Variants in CPNE8 observed in about 807,000 individuals in gnomAD.
CPNE8 encodes copine-8.
In CPNE8, 45 loss-of-function variants were observed where a neutral mutation model predicts 81.5. The observed-to-expected ratio is 0.55, with a 90% CI of 0.44 to 0.71. The LOEUF (loss-of-function observed/expected upper bound fraction) is 0.71. Among genes scored for constraint, CPNE8 ranks in the 30% least tolerant of loss-of-function variants. CPNE8 has a pLI of 0.00. For missense variants in CPNE8, 594 were observed against 672.1 expected, an observed-to-expected ratio of 0.88 and a Z score of 1.28; for synonymous variants, 252 against 226.3, an observed-to-expected ratio of 1.11 and a Z score of -1.02.
At chr12:38,671,290 C>T (rs12581826) in intron 18 of CPNE8, among the ~76,000 whole-genome samples, 6,136 of 152,156 alleles carry the variant, frequency 0.04, 361 homozygotes, top group East Asian at 0.32. Context: ...CACACACACA[C>T]GCATACACAC....
chr12:38,700,264 A>T (rs1365824166), intron 14 of CPNE8, among the ~76,000 whole-genome samples: 2 of 113,192 alleles, frequency 1.8e-5, no homozygotes, highest in African/African-American at 3.3e-5. Flanking sequence ...TTTGAGATGG[A>T]GTCTTGCTCT....
chr12:38,801,767 C>G (rs963147731), intron 6 of CPNE8, among the ~76,000 whole-genome samples: 1 of 95,220 alleles, frequency 1.1e-5, no homozygotes, highest in African/African-American at 4.1e-5. Context: ...AAACCCATCT[C>G]ACGTGCAGAG....
intron 6 of CPNE8, among the ~76,000 whole-genome samples, chr12:38,789,202 T>C (rs557624901): frequency 6.6e-6 from 1 of 152,088 alleles, no homozygotes; most frequent in South Asian, 2.1e-4. Context: ...CTTTGAATTA[T>C]ACTACAGACC....
intron 10 of CPNE8, among the ~76,000 whole-genome samples, chr12:38,744,751 C>A (rs1039386620): frequency 1.5e-4 from 4 of 26,830 alleles, no homozygotes; most frequent in African/African-American, 3.5e-4. Flanking sequence ...GTTATGCATG[C>A]CTATCAGGAT....
chr12:38,797,636 G>A (rs1344696610), intron 6 of CPNE8, among the ~76,000 whole-genome samples: 1 of 152,138 alleles, frequency 6.6e-6, no homozygotes, highest in Non-Finnish European at 1.5e-5. Flanking sequence ...CTAAAAAGCA[G>A]AGTGCCTCTC....
chr12:38,767,128 T>G (rs1420493110), intron 8 of CPNE8, among the ~76,000 whole-genome samples: 1 of 152,104 alleles, frequency 6.6e-6, no homozygotes, highest in Non-Finnish European at 1.5e-5. Flanking sequence ...CATATTAAAT[T>G]ATGGTCTATA....
intron 17 of CPNE8, among the ~76,000 whole-genome samples, chr12:38,677,028 A>G (rs1252977064): frequency 6.6e-6 from 1 of 152,138 alleles, no homozygotes; most frequent in Admixed American, 6.6e-5. Context: ...AATTATAATG[A>G]GCAGGATGGT....
At chr12:38,813,590 C>T (rs367854690) in intron 6 of CPNE8, among the ~76,000 whole-genome samples, 15 of 152,138 alleles carry the variant, frequency 9.9e-5, no homozygotes, top group East Asian at 9.6e-4. Flanking sequence ...TGTTATAAGA[C>T]ATGAACATTG....
chr12:38,703,468 G>T (rs1940003548), intron 13 of CPNE8, among the ~76,000 whole-genome samples: 1 of 152,060 alleles, frequency 6.6e-6, no homozygotes, highest in African/African-American at 2.4e-5. Flanking sequence ...GAAATAATAA[G>T]GGCCGTCTAT....
intron 13 of CPNE8, among the ~76,000 whole-genome samples, chr12:38,716,647 G>A (rs1940400187): frequency 6.6e-6 from 1 of 152,016 alleles, no homozygotes; most frequent in Non-Finnish European, 1.5e-5. Flanking sequence ...AACTCAAGAT[G>A]GATCAAAGAC....
chr12:38,819,517 C>T (rs984385272), intron 6 of CPNE8, among the ~76,000 whole-genome samples: 1 of 152,016 alleles, frequency 6.6e-6, no homozygotes, highest in African/African-American at 2.4e-5. Flanking sequence ...TCTGTAATTG[C>T]AGCACTTTGG....
At chr12:38,676,243 G>A in intron 17 of CPNE8, 1 of 906,628 alleles carries the variant, frequency 1.1e-6, no homozygotes, top group South Asian at 5.1e-5. Context: ...TGTTAATACA[G>A]AATAATATAC....
intron 6 of CPNE8, among the ~76,000 whole-genome samples, chr12:38,799,582 C>A (rs552672848): frequency 1.3e-5 from 2 of 152,206 alleles, no homozygotes; most frequent in South Asian, 2.1e-4. Context: ...TAAATGCCCA[C>A]AAGAGAAAGC....
At chr12:38,787,823 C>A (rs1371280655) in intron 6 of CPNE8, among the ~76,000 whole-genome samples, 1 of 151,338 alleles carries the variant, frequency 6.6e-6, no homozygotes, top group African/African-American at 2.4e-5. Context: ...CACCTATATG[C>A]CAATAAGTTA....
chr12:38,745,499 C>T (rs1941207390), intron 10 of CPNE8, among the ~76,000 whole-genome samples: 1 of 152,158 alleles, frequency 6.6e-6, no homozygotes, highest in African/African-American at 2.4e-5. Context: ...GTGACCCATA[C>T]CTAATAGATG....
intron 14 of CPNE8, among the ~76,000 whole-genome samples, chr12:38,701,432 C>G (rs890023724): frequency 6.6e-6 from 1 of 152,062 alleles, no homozygotes; most frequent in Non-Finnish European, 1.5e-5. Context: ...CATCAGTGAA[C>G]ACAATCTAGT....
chr12:38,863,189 C>T (rs557913345), intron 3 of CPNE8, among the ~76,000 whole-genome samples: 4 of 152,220 alleles, frequency 2.6e-5, no homozygotes, highest in Admixed American at 1.3e-4. Flanking sequence ...GGCATACGTG[C>T]GTATTACAAG....
chr12:38,883,783 A>T (rs572964801), intron 1 of CPNE8, among the ~76,000 whole-genome samples: 1 of 152,220 alleles, frequency 6.6e-6, no homozygotes, highest in African/African-American at 2.4e-5. Flanking sequence ...CATCAGTTTA[A>T]TCAACTTCCA....
At chr12:38,884,961 G>C (rs17126739) in intron 1 of CPNE8, among the ~76,000 whole-genome samples, 6,070 of 151,968 alleles carry the variant, frequency 0.04, 293 homozygotes, top group African/African-American at 0.11. Flanking sequence ...TAACTCTACA[G>C]TCTAACACAC....
Sources: allele counts gnomAD v4.1 joint callset (sites outside exome capture counted in the v4.1 genomes callset), GRCh38; gene constraint gnomAD v4.1.1; transcripts MANE v1.5; gene names NCBI Gene and HGNC (gene_info 2026-07-23, HGNC 2026-07-21).